The following TENM2 variants were observed in gnomAD, a reference collection of about 807,000 sequenced individuals.
TENM2 encodes the protein teneurin transmembrane protein 2, also known as teneurin-2.
A neutral mutation model predicts 245.2 loss-of-function variants in TENM2; 52 were observed. The ratio of observed to expected loss-of-function variants is 0.21; its 90% CI spans 0.17 to 0.27. The LOEUF (loss-of-function observed/expected upper bound fraction) is 0.27, where lower values mean the gene tolerates loss of function less well. TENM2 is among the 10% of genes least tolerant of loss of function. The pLI, the probability that TENM2 is intolerant of heterozygous loss-of-function variation, is 1.00. For synonymous variants in TENM2, 1,363 were observed against 1,438.9 expected, an observed-to-expected ratio of 0.95 and a Z score of 1.19; for missense variants, 3,046 against 3,666.8, an observed-to-expected ratio of 0.83 and a Z score of 4.37.
Position 167,825,294 on chromosome 5 carries a change from AG to A in TENM2, c.503-50686del, listed in dbSNP as rs144332788. ...GTGCGTGTAGTACATGGGTTTCTGC[AG>A]GGGGGTGGGGTTCTTGGTGGGGTTT... On this transcript the variant is annotated intron_variant, in intron 2 of 28. Transcript: ENST00000518659. Among the ~76,000 whole-genome samples, 511 of 150,884 alleles carry A rather than the reference AG, an allele frequency of 3.4e-3. 5 individuals carry two copies. The highest frequency in any genetic ancestry group is 0.011 in the African/African-American group (472 of 41,080).
At chr5:167,930,755 G>A (rs568494321) in intron 3 of TENM2, among the ~76,000 whole-genome samples, 39 of 149,442 alleles carry the variant, frequency 2.6e-4, no homozygotes, top group African/African-American at 8.9e-4. Flanking sequence ...TTCTAAAGAA[G>A]AGAATTTTTT....
chr5:168,190,594 T>C, intron 14 of TENM2, 47 bp downstream of exon 16: 1 of 1,552,672 alleles, frequency 6.4e-7, no homozygotes, highest in Non-Finnish European at 8.8e-7. Flanking sequence ...CTGATTTTCT[T>C]CCTGTTGGAG....
chr5:167,521,573 T>C (rs1421788687), intron 2 of TENM2, among the ~76,000 whole-genome samples: 1 of 152,216 alleles, frequency 6.6e-6, no homozygotes, highest in African/African-American at 2.4e-5. Context: ...GCCAAACACA[T>C]TGCCATGGCA....
chr5:167,876,270 T>C, intron 3 of TENM2, 75 bp downstream of exon 5: 1 of 1,281,710 alleles, frequency 7.8e-7, no homozygotes, highest in Non-Finnish European at 1.1e-6. Flanking sequence ...AAAATGACAA[T>C]GCTGAAACAA....
intron 2 of TENM2, among the ~76,000 whole-genome samples, chr5:167,624,366 A>G (rs746557400): frequency 2.0e-5 from 3 of 152,164 alleles, no homozygotes; most frequent in Non-Finnish European, 2.9e-5. Context: ...AGAGCTAAAC[A>G]TTGGCTAGTC....
chr5:167,554,928 G>T (rs980046482), intron 2 of TENM2, among the ~76,000 whole-genome samples: 6 of 152,086 alleles, frequency 3.9e-5, no homozygotes, highest in Non-Finnish European at 7.4e-5. Flanking sequence ...TGCTTGGGGG[G>T]AGTGTGAGTA....
At chr5:167,486,103 A>G (rs985923813) in intron 2 of TENM2, among the ~76,000 whole-genome samples, 7 of 152,158 alleles carry the variant, frequency 4.6e-5, no homozygotes, top group Admixed American at 1.3e-4. Flanking sequence ...CTTATTTTCA[A>G]AATGATTTCA....
At chr5:168,176,918 A>C (rs991318644) in intron 13 of TENM2, among the ~76,000 whole-genome samples, 3 of 152,268 alleles carry the variant, frequency 2.0e-5, no homozygotes, top group Non-Finnish European at 4.4e-5. Context: ...GATATAAAAT[A>C]CATCTTTGCT....
At chr5:167,195,426 A>AT in the TENM2 span, among the ~76,000 whole-genome samples, 4 of 151,930 alleles carry the variant, frequency 2.6e-5, no homozygotes, top group Non-Finnish European at 4.4e-5. Flanking sequence ...GGGATCCACA[A>AT]TTTTTTTCTG....
chr5:168,150,634 G>A (rs1044363575), intron 12 of TENM2, among the ~76,000 whole-genome samples: 2 of 152,210 alleles, frequency 1.3e-5, no homozygotes, highest in South Asian at 4.1e-4. Context: ...TACATCTCCT[G>A]CTCAGTGTAT....
At chr5:167,610,608 C>CT (rs768999058) in intron 2 of TENM2, among the ~76,000 whole-genome samples, 1 of 152,160 alleles carries the variant, frequency 6.6e-6, no homozygotes, top group Non-Finnish European at 1.5e-5. Context: ...ATATCACAGG[C>CT]TTCTTTTGAA....
the TENM2 span, among the ~76,000 whole-genome samples, chr5:166,993,777 A>G: frequency 6.6e-6 from 1 of 152,220 alleles, no homozygotes; most frequent in East Asian, 1.9e-4. Flanking sequence ...TTTAACCTGC[A>G]GATTAAATAA....
chr5:167,544,763 T>A (rs1450501130), intron 2 of TENM2, among the ~76,000 whole-genome samples: 2 of 152,196 alleles, frequency 1.3e-5, no homozygotes, highest in African/African-American at 4.8e-5. Context: ...ATTCCTTCCC[T>A]CATGGAGCTG....
the TENM2 span, among the ~76,000 whole-genome samples, chr5:167,184,112 A>G: frequency 1.3e-5 from 2 of 152,242 alleles, no homozygotes; most frequent in African/African-American, 4.8e-5. Flanking sequence ...GTTTTCAAAG[A>G]GAATTATACT....
At chr5:167,858,593 C>A (rs960489366) in intron 2 of TENM2, among the ~76,000 whole-genome samples, 45 of 151,920 alleles carry the variant, frequency 3.0e-4, no homozygotes, top group Admixed American at 2.3e-3. Context: ...GGAGCCCGTC[C>A]GGCCATGGTG....
chr5:167,805,115 G>A (rs1486873247), intron 2 of TENM2, among the ~76,000 whole-genome samples: 1 of 152,148 alleles, frequency 6.6e-6, no homozygotes. Flanking sequence ...AATAGGTCAT[G>A]ATTATGTAGC....
intron 3 of TENM2, among the ~76,000 whole-genome samples, chr5:167,940,726 G>A (rs530533166): frequency 2.6e-5 from 4 of 152,190 alleles, no homozygotes; most frequent in African/African-American, 9.6e-5. Context: ...GGAAAGAGAC[G>A]AACCTAGGCT....
the TENM2 span, among the ~76,000 whole-genome samples, chr5:167,016,926 T>C: frequency 1.1e-4 from 17 of 152,350 alleles, no homozygotes; most frequent in African/African-American, 1.9e-4. Context: ...AAACCTCTAG[T>C]AACCCTTTAG....
intron 5 of TENM2, among the ~76,000 whole-genome samples, chr5:168,036,675 G>A (rs55945373): frequency 2.7e-5 from 1 of 36,706 alleles, no homozygotes; most frequent in Non-Finnish European, 5.1e-5. Flanking sequence ...ATATATGTAT[G>A]TGTATATATA....
Sources: gnomAD v4.1 joint callset for allele counts (sites outside exome capture counted in the v4.1 genomes callset) on GRCh38, gnomAD v4.1.1 for gene constraint, MANE v1.5 for transcripts, NCBI Gene and HGNC (gene_info 2026-07-23, HGNC 2026-07-21) for gene names.